Variants in HEPH observed in about 807,000 individuals in gnomAD.
HEPH encodes hephaestin.
In HEPH, 69 loss-of-function variants were observed where a neutral mutation model predicts 80.8. The observed-to-expected ratio is 0.85, with a 90% CI of 0.70 to 1.04. The LOEUF (loss-of-function observed/expected upper bound fraction) is 1.04, where lower values mean the gene tolerates loss of function less well. HEPH is among the 50% of genes least tolerant of loss of function. HEPH has a pLI of 0.00. For missense variants in HEPH, 1,115 were observed against 891.3 expected (o/e 1.25, Z -3.20); for synonymous variants, 431 against 322.8 (o/e 1.34, Z -3.60).
At chrX:66,197,177 G>T (rs754097258) in intron 9 of HEPH, among the ~76,000 whole-genome samples, 2 of 109,237 alleles carry the variant, frequency 1.8e-5, no homozygotes, top group South Asian at 3.9e-4. Context: ...CAGCCTTAGT[G>T]TTTTATATAT....
At chrX:66,236,596 G>A (rs193028085) in intron 15 of HEPH, among the ~76,000 whole-genome samples, 287 of 111,662 alleles carry the variant, frequency 2.6e-3, no homozygotes, top group Non-Finnish European at 3.8e-3. Context: ...TGTCTCTGTC[G>A]GGTTTTGGTA....
At chrX:66,264,721 G>T (rs180893848) in intron 20 of HEPH, among the ~76,000 whole-genome samples, 1 of 107,569 alleles carries the variant, frequency 9.3e-6, no homozygotes, top group Non-Finnish European at 1.9e-5. Context: ...TGGAGGGGAT[G>T]GGGAAAGGTA....
intron 12 of HEPH, among the ~76,000 whole-genome samples, chrX:66,201,234 C>A (rs1249291009): frequency 1.8e-5 from 2 of 110,178 alleles, no homozygotes; most frequent in African/African-American, 6.6e-5. Flanking sequence ...CCTGCCACCC[C>A]GTGTGTGTGT....
chrX:66,169,978 C>T (rs749148004), intron 1 of HEPH: 1 of 111,521 alleles, frequency 9.0e-6, no homozygotes, highest in African/African-American at 3.3e-5. Context: ...GTAGTTTGTT[C>T]ATTATTATTG....
At chrX:66,172,738 T>A in intron 3 of HEPH, 139 bp downstream of exon 3, 2 of 620,840 alleles carry the variant, frequency 3.2e-6, no homozygotes, top group Non-Finnish European at 4.8e-6. Flanking sequence ...CTCCTCAGAG[T>A]AAACAAGGGT....
intron 8 of HEPH, among the ~76,000 whole-genome samples, chrX:66,194,110 G>C (rs770316743): frequency 8.9e-6 from 1 of 111,790 alleles, no homozygotes; most frequent in South Asian, 3.8e-4. Context: ...CTTGAAGAAG[G>C]TATCTAGAAG....
At position 66,173,619 on chromosome X, in the gene HEPH, C is replaced by T; in HGVS notation, c.443C>T (p.Pro148Leu). Residue 148 changes from proline to leucine, a missense_variant, in exon 4 of 21, where the codon CCA (proline) becomes CTA (leucine). This residue lies in a region of HEPH where 391 missense variants were observed against 343.6 expected (regional missense o/e 1.14). Coordinates refer to ENST00000343002, the MANE Select transcript of HEPH (RefSeq NM_001367233.3). ...CTATACCCAGATGGCTCCTCTGGGC[C>T]ACTGAAAGCTGATGACTCTGTTCCC... The part of the protein sequence containing the change: ...GSLYPDGSSG[P>L]LKADDSVPPG... The T allele has an allele frequency of 8.3e-7, 1 of 1,210,513 alleles. No homozygotes were observed. The highest frequency in any genetic ancestry group is 1.8e-5 in the South Asian group (1 of 56,809).
Position 66,225,724 on chromosome X carries a change from A to C in HEPH, c.2563+17478A>C, listed in dbSNP as rs142310106. ...TGGGAGCACTCTCAGGATCTGTGTC[A>C]CTCAAGCTGGCCAGAGTCCCCCGCA... On this transcript the variant is annotated intron_variant, in intron 15 of 20. Coordinates refer to ENST00000343002, the MANE Select transcript of HEPH (RefSeq NM_001367233.3). Among the ~76,000 whole-genome samples the C allele has an allele frequency of 3.7e-3, 412 of 112,399 alleles. 4 individuals carry two copies. Among genetic ancestry groups the C allele is most frequent in the African/African-American group, 0.013 (392 of 31,030 alleles).
chrX:66,208,227 G>T lies in HEPH; in HGVS notation c.2544G>T (p.Trp848Cys). 2 of 1,207,698 alleles carry T rather than the reference G, an allele frequency of 1.7e-6. No homozygotes were observed. The highest frequency in any genetic ancestry group is 2.2e-6 in the Non-Finnish European group (2 of 893,401). The change falls in exon 15 of 21, where the codon TGG becomes TGT. Residue 848 changes from tryptophan to cysteine, a missense_variant. Transcript: ENST00000343002. ...GAGTGCTAGAATCTACTACTGTCTG[G>T]CCACTGGCTGCTGAGCCTGGTGAGT... ...AHGVLESTTV[W>C]PLAAEPGEVV...
chrX:66,191,608 C>T (rs2087794129), intron 6 of HEPH, among the ~76,000 whole-genome samples: 1 of 111,905 alleles, frequency 8.9e-6, no homozygotes, highest in African/African-American at 3.2e-5. Context: ...CCTTACGGTC[C>T]CAAGTCTGAA....
At chrX:66,246,785 A>G (rs2090825862) in intron 15 of HEPH, among the ~76,000 whole-genome samples, 1 of 111,829 alleles carries the variant, frequency 8.9e-6, no homozygotes, top group African/African-American at 3.2e-5. Context: ...TGCTACCTTG[A>G]TGAATCCTGA....
At chrX:66,234,835 G>A (rs757695924) in intron 15 of HEPH, among the ~76,000 whole-genome samples, 23 of 110,228 alleles carry the variant, frequency 2.1e-4, no homozygotes, top group Non-Finnish European at 3.6e-4. Context: ...TTTTAGTAGA[G>A]ACGGGGTTTC....
chrX:66,197,960 G>A (rs2088197922), intron 10 of HEPH, 66 bp downstream of exon 10: 1 of 964,227 alleles, frequency 1.0e-6, no homozygotes, highest in Non-Finnish European at 1.4e-6. Context: ...TGCTGGATAG[G>A]AGTTAAGCAT....
At chrX:66,202,912 C>CAT (rs759619010) in intron 12 of HEPH, among the ~76,000 whole-genome samples, 8,142 of 81,350 alleles carry the variant, frequency 0.1, 433 homozygotes, top group African/African-American at 0.16. Context: ...TTTATGTGTG[C>CAT]ATATATATAT....
chrX:66,236,626 G>A (rs975994627), intron 15 of HEPH, among the ~76,000 whole-genome samples: 11 of 111,542 alleles, frequency 9.9e-5, no homozygotes, highest in Non-Finnish European at 1.7e-4. Flanking sequence ...TGCTGGCCTC[G>A]TAGAATGAGT....
At chrX:66,261,095 C>T (rs1457092072) in intron 19 of HEPH, among the ~76,000 whole-genome samples, 1 of 111,377 alleles carries the variant, frequency 9.0e-6, no homozygotes, top group East Asian at 2.8e-4. Context: ...ATTTTTTAGG[C>T]AGGGTTTTGC....
chrX:66,250,294 T>A (rs1175303333), intron 15 of HEPH, among the ~76,000 whole-genome samples: 2 of 111,883 alleles, frequency 1.8e-5, no homozygotes, highest in African/African-American at 6.5e-5. Flanking sequence ...CACCTCTGAC[T>A]CTTCTTTAAG....
chrX:66,202,934 TATATAC>T (rs1202728371), intron 12 of HEPH, among the ~76,000 whole-genome samples: 60 of 102,050 alleles, frequency 5.9e-4, no homozygotes, highest in African/African-American at 1.3e-3. Flanking sequence ...TATATATATA[TATATAC>T]ACACACACAC....
chrX:66,225,904 C>T (rs921411243), intron 15 of HEPH, among the ~76,000 whole-genome samples: 9 of 112,176 alleles, frequency 8.0e-5, no homozygotes, highest in Admixed American at 7.5e-4. Context: ...GGGTTTTATT[C>T]GGCCGGGAGC....
Sources: allele counts gnomAD v4.1 joint callset (sites outside exome capture counted in the v4.1 genomes callset), GRCh38; gene constraint gnomAD v4.1.1; regional missense constraint gnomAD v4.1.1; transcripts MANE v1.5; gene names NCBI Gene and HGNC (gene_info 2026-07-23, HGNC 2026-07-21).